The following MROH9 variants were observed in gnomAD, a reference collection of about 807,000 sequenced individuals.
MROH9 encodes the protein maestro heat-like repeat-containing protein family member 9.
A neutral mutation model predicts 98.2 loss-of-function variants in MROH9; 92 were observed. That is an observed-to-expected ratio of 0.94 (90% confidence interval 0.79 to 1.11). The LOEUF (loss-of-function observed/expected upper bound fraction) is 1.11, where lower values mean the gene tolerates loss of function less well. Ranked by LOEUF, MROH9 falls within the 50% of genes most tolerant of loss-of-function variation. The pLI is 0.00. For missense variants in MROH9, 1,057 were observed against 1,014.8 expected (o/e 1.04, Z -0.57); for synonymous variants, 397 against 368.9 (o/e 1.08, Z -0.87).
intron 8 of MROH9, among the ~76,000 whole-genome samples, chr1:170,980,199 A>G (rs746175578): frequency 1.3e-5 from 2 of 152,136 alleles, no homozygotes; most frequent in Non-Finnish European, 2.9e-5. Context: ...TTCCTATCAA[A>G]CTACCATTGA....
intron 8 of MROH9, among the ~76,000 whole-genome samples, chr1:170,972,202 A>AT (rs540625251): frequency 5.7e-4 from 87 of 152,100 alleles, no homozygotes; most frequent in Admixed American, 1.3e-3. Context: ...AAAATGCGGT[A>AT]TTTTTTTCTG....
rs754332732 is a variant in MROH9 at position 171,044,972 on chromosome 1, C to CTTTTTTTTTTTTTTT, written c.2282-17127_2282-17113dup. Among the ~76,000 whole-genome samples, 88 of 45,710 alleles carry CTTTTTTTTTTTTTTT rather than the reference C, an allele frequency of 1.9e-3. 20 individuals are homozygous for CTTTTTTTTTTTTTTT. The highest frequency in any genetic ancestry group is 0.012 in the Middle Eastern group (1 of 82). 30.0% of individuals were successfully genotyped at this position (45,710 alleles called of 152,430 possible). A position where few individuals can be genotyped will look rare whatever the true frequency, so the allele number is the denominator to read the frequency against. The stretch of plus-strand genomic sequence containing the variant: ...CAATTCCATTTATTTCTGCTCTGAT[C>CTTTTTTTTTTTTTTT]TTTTTTTTTTTTTTTTTTTTTTTTT... On this transcript the variant is annotated intron_variant, in intron 20 of 21. Transcript: ENST00000367759.
intron 15 of MROH9, among the ~76,000 whole-genome samples, chr1:171,004,686 A>G (rs1651896875): frequency 6.6e-6 from 1 of 152,076 alleles, no homozygotes; most frequent in South Asian, 2.1e-4. Flanking sequence ...TGTCCTTGCA[A>G]TCAATCTGGA....
rs552522429 is a variant in MROH9, at chr1:171,012,874, T to C, written c.1597-1243T>C. On this transcript the variant is annotated intron_variant, in intron 15 of 21. Transcript: ENST00000367759. ...TGTCAGTTATTAAATGTATGAAGGC[T>C]CATGATACTCATGTCTTCACTCTGG... 1.3e-3 allele frequency among the ~76,000 whole-genome samples: 202 copies of C among 152,286 alleles called. 1 individual carries two copies. The highest frequency in any genetic ancestry group is 4.8e-3 in the African/African-American group (199 of 41,548).
chr1:170,956,799 A>C (rs1649780867), intron 3 of MROH9, among the ~76,000 whole-genome samples: 2 of 152,046 alleles, frequency 1.3e-5, no homozygotes, highest in African/African-American at 4.8e-5. Context: ...CATCGTCAGC[A>C]AACAGTGACC....
intron 1 of MROH9, among the ~76,000 whole-genome samples, chr1:170,944,382 TAACAAC>T (rs79000299): frequency 6.6e-6 from 1 of 151,428 alleles, no homozygotes; most frequent in African/African-American, 2.4e-5. Context: ...TATTTAAAGG[TAACAAC>T]AACAACAACA....
chr1:170,950,277 G>T (rs1456979693), intron 3 of MROH9, among the ~76,000 whole-genome samples: 1 of 151,944 alleles, frequency 6.6e-6, no homozygotes, highest in Non-Finnish European at 1.5e-5. Context: ...TAAATAAACA[G>T]GATTTAGTAC....
intron 15 of MROH9, among the ~76,000 whole-genome samples, chr1:171,013,874 TACACACACACACACACACACACAC>T (rs34557125): frequency 6.9e-6 from 1 of 144,388 alleles, no homozygotes; most frequent in African/African-American, 2.5e-5. Flanking sequence ...GTAAAATACA[TACACACACACACACACACACACAC>T]ACACACACAC....
chr1:170,939,968 T>C (rs889541934), intron 1 of MROH9, among the ~76,000 whole-genome samples: 2 of 152,198 alleles, frequency 1.3e-5, no homozygotes, highest in African/African-American at 2.4e-5. Flanking sequence ...ATCTGCTGCA[T>C]CCTATTGTCC....
intron 11 of MROH9, among the ~76,000 whole-genome samples, chr1:170,990,531 G>A (rs1329534064): frequency 1.3e-5 from 2 of 152,164 alleles, no homozygotes; most frequent in South Asian, 2.1e-4. Flanking sequence ...AAATACAAAC[G>A]CGAGTCTATG....
intron 15 of MROH9, among the ~76,000 whole-genome samples, chr1:171,003,554 T>C (rs554317822): frequency 2.0e-5 from 3 of 152,348 alleles, no homozygotes; most frequent in African/African-American, 7.2e-5. Context: ...GCCTCTGGGC[T>C]GGTACTGGGG....
chr1:170,943,787 G>A (rs892463691), intron 1 of MROH9, among the ~76,000 whole-genome samples: 7 of 151,912 alleles, frequency 4.6e-5, no homozygotes, highest in African/African-American at 1.7e-4. Context: ...CAGTGTAACA[G>A]TTTTAATGTG....
At chr1:170,994,664 C>T (rs1027044520) in intron 12 of MROH9, among the ~76,000 whole-genome samples, 3 of 152,068 alleles carry the variant, frequency 2.0e-5, no homozygotes, top group Non-Finnish European at 4.4e-5. Context: ...AGTAGTCACC[C>T]TGTTGTGCTA....
rs1652321178 is a variant in MROH9 at position 171,016,195 on chromosome 1, C to T, written c.1767C>T (p.Ile589=). The T allele has an allele frequency of 2.0e-6, 3 of 1,530,886 alleles. No individual in the cohort carries two copies. The highest frequency in any genetic ancestry group is 2.6e-6 in the Non-Finnish European group (3 of 1,138,336). 94.8% of individuals were successfully genotyped at this position (1,530,886 alleles called of 1,614,324 possible). ...ATGTCAGCAGTATATTAATAGCCAT[C>T]CTGGATGCCTTCCTTTCCAAAGACG... is the stretch of plus-strand genomic sequence containing the variant. ...TENVSSILIA[I]LDAFLSKDDN... The change falls in exon 17 of 22, where the codon ATC becomes ATT. Residue 589 remains isoleucine, a synonymous_variant. Coordinates refer to ENST00000367759, the MANE Select transcript of MROH9 (RefSeq NM_001163629.2).
intron 8 of MROH9, among the ~76,000 whole-genome samples, chr1:170,972,715 G>A (rs903602769): frequency 6.6e-6 from 1 of 151,678 alleles, no homozygotes; most frequent in African/African-American, 2.4e-5. Flanking sequence ...AGGAGGCTGA[G>A]GTAGGAGAAT....
intron 8 of MROH9, among the ~76,000 whole-genome samples, chr1:170,980,930 A>G (rs1274768292): frequency 6.6e-6 from 1 of 152,188 alleles, no homozygotes; most frequent in East Asian, 1.9e-4. Flanking sequence ...CAAGAAAAAA[A>G]CAAACAACCC....
Position 170,996,496 on chromosome 1 carries a change from TG to T in MROH9, c.1338-7del. On this transcript the variant is annotated splice_polypyrimidine_tract_variant and intron_variant, in intron 13 of 21. Transcript: ENST00000367759. ...GGCATGTGATGACTTTGCTCTCTTT[TG>T]GGGCTTTAGGTATGCCCAGGATGCC... is the stretch of plus-strand genomic sequence containing the variant. 6.2e-7 allele frequency: 1 copy of T among 1,612,170 alleles called. No homozygotes were observed. The highest frequency in any genetic ancestry group is 2.2e-5 in the East Asian group (1 of 44,834).
chr1:170,988,900 GAGGACAA>G, intron 10 of MROH9, among the ~76,000 whole-genome samples: 1 of 152,154 alleles, frequency 6.6e-6, no homozygotes, highest in Non-Finnish European at 1.5e-5. Context: ...AAAATAGGAA[GAGGACAA>G]CTAGAAGAAG....
At chr1:170,963,520 G>T (rs913836268) in intron 6 of MROH9, among the ~76,000 whole-genome samples, 5 of 152,070 alleles carry the variant, frequency 3.3e-5, no homozygotes, top group African/African-American at 1.2e-4. Flanking sequence ...CTGTCATAAA[G>T]ACAAATGCAC....
Sources: allele counts gnomAD v4.1 joint callset (sites outside exome capture counted in the v4.1 genomes callset), GRCh38; gene constraint gnomAD v4.1.1; transcripts MANE v1.5; gene names NCBI Gene and HGNC (gene_info 2026-07-23, HGNC 2026-07-21).